The following TMCC1 variants were observed in gnomAD, a reference collection of about 807,000 sequenced individuals.
TMCC1 encodes transmembrane and coiled-coil domain family 1.
Under a neutral mutation model 52.4 loss-of-function variants are expected in TMCC1, and 15 were observed. The observed-to-expected ratio is 0.29, with a 90% CI of 0.19 to 0.44. TMCC1 has a LOEUF of 0.44. Among genes scored for constraint, TMCC1 ranks in the 20% least tolerant of loss-of-function variants. The pLI is 1.00. For missense variants in TMCC1, 503 were observed against 806.0 expected (o/e 0.62, Z 4.55); for synonymous variants, 279 against 301.9 (o/e 0.92, Z 0.79).
intron 4 of TMCC1, among the ~76,000 whole-genome samples, chr3:129,678,839 T>TA (rs1170666239): frequency 6.6e-6 from 1 of 152,212 alleles, no homozygotes; most frequent in African/African-American, 2.4e-5. Context: ...TATTAACCAC[T>TA]ATGTATACAC....
chr3:129,799,885 A>G (rs1242428020), intron 4 of TMCC1, among the ~76,000 whole-genome samples: 1 of 151,910 alleles, frequency 6.6e-6, no homozygotes, highest in Non-Finnish European at 1.5e-5. Flanking sequence ...TATTTTGTGT[A>G]TATGTGTATG....
At chr3:129,685,413 A>T (rs2089327152) in intron 4 of TMCC1, among the ~76,000 whole-genome samples, 1 of 152,090 alleles carries the variant, frequency 6.6e-6, no homozygotes, top group Admixed American at 6.5e-5. Context: ...TAAAAAAAAA[A>T]AAAAGATGAG....
chr3:129,810,938 G>C (rs565274412), intron 4 of TMCC1, among the ~76,000 whole-genome samples: 1 of 152,326 alleles, frequency 6.6e-6, no homozygotes, highest in South Asian at 2.1e-4. Context: ...CCTGTGGTGA[G>C]CTTAAGGCAG....
chr3:129,722,763 C>G (rs757389557), intron 4 of TMCC1, among the ~76,000 whole-genome samples: 1 of 152,108 alleles, frequency 6.6e-6, no homozygotes, highest in Non-Finnish European at 1.5e-5. Flanking sequence ...GATAAGTAAA[C>G]TGACCTTTTA....
intron 2 of TMCC1, among the ~76,000 whole-genome samples, chr3:129,876,734 C>A (rs1431402689): frequency 6.6e-6 from 1 of 152,074 alleles, no homozygotes; most frequent in Non-Finnish European, 1.5e-5. Context: ...GCGGGAGGAT[C>A]ACAAGGTCAA....
chr3:129,741,086 C>G (rs770568082), intron 4 of TMCC1, among the ~76,000 whole-genome samples: 7 of 152,062 alleles, frequency 4.6e-5, no homozygotes, highest in Non-Finnish European at 1.0e-4. Flanking sequence ...TTTCCATACC[C>G]ACCCACCAGG....
intron 2 of TMCC1, among the ~76,000 whole-genome samples, chr3:129,857,844 T>C (rs1577109138): frequency 6.6e-6 from 1 of 152,230 alleles, no homozygotes; most frequent in East Asian, 1.9e-4. Context: ...ATTACAGGCG[T>C]GAGCCACTGC....
intron 2 of TMCC1, among the ~76,000 whole-genome samples, chr3:129,854,444 C>T (rs1418734962): frequency 1.3e-5 from 2 of 151,534 alleles, no homozygotes; most frequent in African/African-American, 2.4e-5. Flanking sequence ...GCTTAAAAAC[C>T]CTTTAATGGC....
chr3:129,795,178 T>G (rs986399619), intron 4 of TMCC1, among the ~76,000 whole-genome samples: 4 of 152,122 alleles, frequency 2.6e-5, no homozygotes, highest in African/African-American at 9.7e-5. Flanking sequence ...CCCTCTCTTG[T>G]TGGAATGAAG....
At chr3:129,890,575 T>G (rs1192096001) in intron 1 of TMCC1, among the ~76,000 whole-genome samples, 1 of 152,220 alleles carries the variant, frequency 6.6e-6, no homozygotes, top group African/African-American at 2.4e-5. Context: ...AAACCCTGCA[T>G]GGAAACAGGA....
intron 4 of TMCC1, among the ~76,000 whole-genome samples, chr3:129,750,348 G>A (rs548174677): frequency 2.0e-5 from 3 of 151,728 alleles, no homozygotes; most frequent in Non-Finnish European, 2.9e-5. Flanking sequence ...CTGCCACCAC[G>A]CCTGGCTAAT....
intron 2 of TMCC1, among the ~76,000 whole-genome samples, chr3:129,835,274 A>C (rs1180384737): frequency 1.3e-5 from 2 of 151,878 alleles, no homozygotes; most frequent in African/African-American, 2.4e-5. Flanking sequence ...GCTGTGAATA[A>C]GTTTTTCTTT....
intron 4 of TMCC1, among the ~76,000 whole-genome samples, chr3:129,771,942 A>G (rs2054617390): frequency 6.6e-6 from 1 of 152,186 alleles, no homozygotes; most frequent in Non-Finnish European, 1.5e-5. Context: ...ATTAGTGGCA[A>G]TGGAAACAGG....
intron 4 of TMCC1, among the ~76,000 whole-genome samples, chr3:129,826,707 C>G (rs1450562454): frequency 6.6e-6 from 1 of 150,858 alleles, no homozygotes; most frequent in East Asian, 1.9e-4. Flanking sequence ...AACTTAATAT[C>G]CAATAAAAAA....
chr3:129,699,993 A>G (rs148909673), intron 4 of TMCC1, among the ~76,000 whole-genome samples: 5 of 152,324 alleles, frequency 3.3e-5, no homozygotes, highest in African/African-American at 9.6e-5. Flanking sequence ...TATTTTTTTC[A>G]CTGAGTATTT....
intron 2 of TMCC1, among the ~76,000 whole-genome samples, chr3:129,844,061 G>A (rs930008223): frequency 6.6e-6 from 1 of 152,132 alleles, no homozygotes; most frequent in Non-Finnish European, 1.5e-5. Context: ...CAGGGATGTA[G>A]GGCTGGTTCA....
chr3:129,759,360 T>G (rs2107672106), intron 4 of TMCC1, among the ~76,000 whole-genome samples: 1 of 150,254 alleles, frequency 6.7e-6, no homozygotes, highest in African/African-American at 2.4e-5. Flanking sequence ...CTGGGCCTCC[T>G]GGTTTCAAGC....
intron 4 of TMCC1, among the ~76,000 whole-genome samples, chr3:129,685,389 T>C (rs1341469961): frequency 6.8e-6 from 1 of 147,346 alleles, no homozygotes; most frequent in Non-Finnish European, 1.5e-5. Flanking sequence ...TAAAAGAAAC[T>C]TAAAAATTAA....
chr3:129,667,496 G>A (rs2087563568), intron 5 of TMCC1, among the ~76,000 whole-genome samples: 1 of 152,190 alleles, frequency 6.6e-6, no homozygotes, highest in East Asian at 1.9e-4. Flanking sequence ...ACTGAAATGG[G>A]AAAACAAAAC....
Sources: gnomAD v4.1 joint callset for allele counts (sites outside exome capture counted in the v4.1 genomes callset) on GRCh38, gnomAD v4.1.1 for gene constraint, MANE v1.5 for transcripts, NCBI Gene and HGNC (gene_info 2026-07-23, HGNC 2026-07-21) for gene names.